Variants in CHPF observed in about 807,000 individuals in gnomAD.
CHPF encodes chondroitin polymerizing factor, non-catalytic subunit.
In CHPF, 34 loss-of-function variants were observed where a neutral mutation model predicts 55.1. The observed-to-expected ratio is 0.62, with a 90% CI of 0.47 to 0.82. The LOEUF is 0.82. CHPF is among the 40% of genes least tolerant of loss of function. The pLI is 0.00. For synonymous variants in CHPF, 489 were observed against 496.6 expected (o/e 0.98, Z 0.20); for missense variants, 961 against 1,106.1 (o/e 0.87, Z 1.86).
chr2:219,542,874 A>C, intron 1 of CHPF: 2 of 1,066,814 alleles, frequency 1.9e-6, no homozygotes, highest in East Asian at 6.3e-5. Flanking sequence ...GGTAAATCCT[A>C]GTTCTCTCCT....
rs1417839276 is a variant in CHPF at position 219,539,022 on chromosome 2, G to A, written c.*361C>T. The A allele has an allele frequency of 2.2e-5, 5 of 226,176 alleles. No homozygotes were observed. Among genetic ancestry groups the A allele is most frequent in the African/African-American group, 9.1e-5 (4 of 44,008 alleles). The allele number at this position is 226,176 out of a possible 1,614,324, so 14.0% of individuals were successfully genotyped here. A position where few individuals can be genotyped will look rare whatever the true frequency, so the allele number is the denominator to read the frequency against. On this transcript the variant is annotated 3_prime_UTR_variant, in exon 4 of 4. Transcript: ENST00000243776. ...GTCCAAAAGGGAGAAGTTGGGAGAT[G>A]CCCCCTCCTCAGCTCCCTCCTTCCC...
rs745792221 is a variant in CHPF, at chr2:219,543,312, G to A, written c.227C>T (p.Ala76Val). ...QPGAEREKPG[A>V]GEGAGENWEP... The stretch of plus-strand genomic sequence containing the variant: ...CCAATTCTCCCCGGCGCCTTCGCCG[G>A]CCCCGGGCTTCTCGCGCTCCGCTCC... The change falls in exon 1 of 4, where the codon GCC (alanine) becomes GTC (valine). Residue 76 changes from alanine (A) to valine (V), a missense_variant. By Grantham distance (64) the Ala-to-Val change is moderately conservative (BLOSUM62 0). Coordinates refer to ENST00000243776, the MANE Select transcript of CHPF (RefSeq NM_024536.6). 1.9e-6 allele frequency: 3 copies of A among 1,572,588 alleles called. No individual in the cohort carries two copies. Among genetic ancestry groups the A allele is most frequent in the Admixed American group, 1.7e-5 (1 of 57,562 alleles).
chr2:219,542,024 T>G lies in CHPF; in HGVS notation c.480A>C (p.Pro160=), dbSNP rs761535669. ...FLTGARGRRA[P]PGMAVVTLGE... ...CTAGCGTCACCACTGCCATGCCAGG[T>G]GGGGCCCGGCGGCCCCGTGCGCCCG... Residue 160 remains proline, a synonymous_variant, in exon 2 of 4, where the codon CCA becomes CCC. Coordinates refer to ENST00000243776, the MANE Select transcript of CHPF (RefSeq NM_024536.6). The G allele has an allele frequency of 8.1e-6, 13 of 1,596,410 alleles. No homozygotes were observed. Among genetic ancestry groups the G allele is most frequent in the South Asian group, 5.6e-5 (5 of 89,384 alleles).
At chr2:219,542,802 TCCTC>T in intron 1 of CHPF, 1 of 532,622 alleles carries the variant, frequency 1.9e-6, no homozygotes, top group Non-Finnish European at 2.4e-6. Context: ...ATAGGTACAT[TCCTC>T]CCTCCCCCAT....
rs764044683 is a variant in CHPF at position 219,541,663 on chromosome 2, G to A, written c.841C>T (p.Arg281Cys). 7 of 1,602,082 alleles carry A rather than the reference G, an allele frequency of 4.4e-6. No individual in the cohort carries two copies. Among genetic ancestry groups the A allele is most frequent in the African/African-American group, 2.7e-5 (2 of 74,724 alleles). The change falls in exon 2 of 4, where the codon CGC (arginine) becomes TGC (cysteine). Residue 281 changes from arginine to cysteine, a missense_variant. By Grantham distance (180) the Arg-to-Cys change is radical (BLOSUM62 -3). Transcript: ENST00000243776. Reference protein sequence around the residue: ...VSARPDEWLGRCILDATGVGC... With the variant: ...VSARPDEWLGCCILDATGVGC... ...ACCCCGGTGGCATCGAGAATGCAGC[G>A]ACCCAGCCACTCGTCAGGGCGCGCA...
chr2:219,540,510 G>A lies in CHPF; in HGVS notation c.1201C>T (p.His401Tyr), dbSNP rs1170524752. The A allele has an allele frequency of 1.6e-5, 26 of 1,613,956 alleles. No individual in the cohort carries two copies. The highest frequency in any genetic ancestry group is 2.1e-5 in the Non-Finnish European group (25 of 1,180,020). ...GAGCCATCGGCGCAGGAGAAAGCGT[G>A]CTGCTCCGTGAAGTAGTCCCAGCGC... Reference protein sequence around the residue: ...VLRWDYFTEQHAFSCADGSPR... With the variant: ...VLRWDYFTEQYAFSCADGSPR... Residue 401 changes from histidine to tyrosine, a missense_variant, in exon 4 of 4, where the codon CAC becomes TAC. Around this residue, in one of 3 missense-constraint regions of CHPF, gnomAD observed 936 missense variants for 1,058.4 expected, o/e 0.88. Transcript: ENST00000243776.
At position 219,539,376 on chromosome 2, in the gene CHPF, G is replaced by T; in HGVS notation, c.*7C>A. 6.3e-7 allele frequency: 1 copy of T among 1,589,782 alleles called. No individual in the cohort carries two copies. Among genetic ancestry groups the T allele is most frequent in the Non-Finnish European group, 8.6e-7 (1 of 1,163,766 alleles). On this transcript the variant is annotated 3_prime_UTR_variant, in exon 4 of 4. Transcript: ENST00000243776. ...GCCATGCCACGGCCCACGGGGACAG[G>T]GTGGGGTCAGGTGCTGTTGCCCTGC... is the stretch of plus-strand genomic sequence containing the variant.
In CHPF at chr2:219,543,341, C is replaced by G. The variant is rs771271034; in HGVS notation, c.198G>C (p.Gln66His). 3.8e-6 allele frequency: 6 copies of G among 1,569,024 alleles called. No individual in the cohort carries two copies. The East Asian group carries it at 7.2e-5, about 19-fold the overall frequency. The change falls in exon 1 of 4, where the codon CAG becomes CAC. Residue 66 changes from glutamine to histidine, a missense_variant. By Grantham distance (24) the Gln-to-His change is conservative. Transcript: ENST00000243776. ...TNAARRPNSV[Q>H]PGAEREKPGA... The stretch of plus-strand genomic sequence containing the variant: ...CGGGCTTCTCGCGCTCCGCTCCGGG[C>G]TGCACCGAGTTGGGCCGGCGCGCCG...
In CHPF at chr2:219,540,120, T is replaced by C. The variant is rs1559122992; in HGVS notation, c.1591A>G (p.Thr531Ala). 2.4e-5 allele frequency: 39 copies of C among 1,602,112 alleles called. No homozygotes were observed. Among genetic ancestry groups the C allele is most frequent in the Non-Finnish European group, 3.1e-5 (37 of 1,174,830 alleles). Residue 531 changes from threonine to alanine, a missense_variant, in exon 4 of 4, where the codon ACT (threonine) becomes GCT (alanine). Physicochemically the swap from Thr to Ala is moderately conservative, Grantham distance 58. Transcript: ENST00000243776. ...LAPGFLEAFA[T>A]AALEPGDAAA... ...GCATCACCAGGCTCCAGTGCTGCAG[T>C]GGCAAAGGCCTCCAAGAAGCCAGGG...
chr2:219,542,964 A>C, intron 1 of CHPF: 2 of 1,281,540 alleles, frequency 1.6e-6, no homozygotes, highest in Non-Finnish European at 9.8e-7. Context: ...GGGAGCTAGT[A>C]GGATCTCTGG....
chr2:219,540,845 T>A lies in CHPF; in HGVS notation c.1068+101A>T. The A allele has an allele frequency of 2.7e-6, 4 of 1,485,536 alleles. No homozygotes were observed. The East Asian group carries it at 9.1e-5, about 34-fold the overall frequency. The allele number at this position is 1,485,536 out of a possible 1,614,324, so 92.0% of individuals were successfully genotyped here. On this transcript the variant is annotated intron_variant, in intron 3 of 3. Coordinates refer to ENST00000243776, the MANE Select transcript of CHPF (RefSeq NM_024536.6). Reference sequence around the variant, plus strand: ...AACAGGCAGGGGCTGGGAAGTAGTTTTGTTCTGTGATTCTAGTGCTAACTT... The same window carrying A: ...AACAGGCAGGGGCTGGGAAGTAGTTATGTTCTGTGATTCTAGTGCTAACTT...
chr2:219,542,974 G>A, intron 1 of CHPF: 2 of 1,286,160 alleles, frequency 1.6e-6, no homozygotes, highest in Non-Finnish European at 2.0e-6. Flanking sequence ...AGGATCTCTG[G>A]GGCGCCATCG....
Position 219,540,645 on chromosome 2 carries a change from G to T in CHPF, c.1069-3C>A. ...TGGCTGGTATTCTGGATCTCCCACT[G>T]GATCAGAGAAACAGGCCATCAGCAA... On this transcript the variant is annotated splice_polypyrimidine_tract_variant and splice_region_variant and intron_variant, in intron 3 of 3. Coordinates refer to ENST00000243776, the MANE Select transcript of CHPF (RefSeq NM_024536.6). 1 of 1,586,760 alleles carries T rather than the reference G, an allele frequency of 6.3e-7. No individual in the cohort carries two copies. The highest frequency in any genetic ancestry group is 1.1e-5 in the South Asian group (1 of 87,356).
At position 219,543,378 on chromosome 2, in the gene CHPF, C is replaced by T. The variant is rs1424352290; in HGVS notation, c.161G>A (p.Gly54Asp). The change falls in exon 1 of 4, where the codon GGC becomes GAC. Residue 54 changes from glycine (G) to aspartate (D), a missense_variant. Transcript: ENST00000243776. ...QPGDSELPPR[G>D]NTNAARRPNS... ...GGGCCGGCGCGCCGCGTTGGTGTTG[C>T]CGCGCGGCGGCAGCTCAGAGTCTCC... is the stretch of plus-strand genomic sequence containing the variant. 1.4e-5 allele frequency: 22 copies of T among 1,560,496 alleles called. No homozygotes were observed. Among genetic ancestry groups the T allele is most frequent in the Non-Finnish European group, 1.9e-5 (22 of 1,163,266 alleles).
rs560923338 is a variant in CHPF at position 219,539,074 on chromosome 2, C to A, written c.*309G>T. ...AACAACTCTTCTACAGCCCAGCCCC[C>A]AGGGCCCAGAGGCAGGGCTGGCGTC... On this transcript the variant is annotated 3_prime_UTR_variant, in exon 4 of 4. Transcript: ENST00000243776. 7.1e-5 allele frequency: 24 copies of A among 339,230 alleles called. No individual in the cohort carries two copies. In the South Asian group the frequency reaches 1.6e-3, roughly 23 times the overall value. The allele number at this position is 339,230 out of a possible 1,614,324, so 21.0% of individuals were successfully genotyped here. A position where few individuals can be genotyped will look rare whatever the true frequency, so the allele number is the denominator to read the frequency against.
At position 219,543,639 on chromosome 2, in the gene CHPF, G is replaced by C. The variant is rs959108597; in HGVS notation, c.-101C>G. 226 of 923,638 alleles carry C rather than the reference G, an allele frequency of 2.4e-4. No individual in the cohort carries two copies. Among genetic ancestry groups the C allele is most frequent in the Non-Finnish European group, 3.1e-4 (214 of 691,160 alleles). 57.2% of individuals were successfully genotyped at this position (923,638 alleles called of 1,614,324 possible). Reference sequence around the variant, plus strand: ...GGGAGGGGGCGGATCCGGAGGGCTCGGGCCCCGCGGGCGGGCCCGCTCCCT... The same window carrying C: ...GGGAGGGGGCGGATCCGGAGGGCTCCGGCCCCGCGGGCGGGCCCGCTCCCT... On this transcript the variant is annotated 5_prime_UTR_variant, in exon 1 of 4. Coordinates refer to ENST00000243776, the MANE Select transcript of CHPF (RefSeq NM_024536.6).
Position 219,539,911 on chromosome 2 carries a change from T to C in CHPF, c.1800A>G (p.Leu600=). The C allele has an allele frequency of 1.2e-6, 2 of 1,613,382 alleles. No individual in the cohort carries two copies. The highest frequency in any genetic ancestry group is 1.7e-6 in the Non-Finnish European group (2 of 1,179,830). ...AAPSPLRLMD[L]LSKKHPLDTL... ...TGTCCAGCGGGTGCTTCTTGGAGAG[T>C]AGATCCATGAGGCGCAGTGGTGAGG... The change falls in exon 4 of 4, where the codon CTA becomes CTG. Residue 600 remains leucine (L), a synonymous_variant. Coordinates refer to ENST00000243776, the MANE Select transcript of CHPF (RefSeq NM_024536.6).
chr2:219,541,189 G>A (rs1695262905), intron 2 of CHPF, 64 bp from the exon 3 acceptor site: 4 of 1,430,746 alleles, frequency 2.8e-6, no homozygotes, highest in Non-Finnish European at 2.8e-6. Flanking sequence ...CTCATAGTAA[G>A]TGTCTCATCT....
At chr2:219,542,553 C>A (rs551145020) in intron 1 of CHPF, among the ~76,000 whole-genome samples, 1 of 152,276 alleles carries the variant, frequency 6.6e-6, no homozygotes, top group East Asian at 1.9e-4. Context: ...GCTGGACACA[C>A]CATGTATCTA....
Sources: allele counts gnomAD v4.1 joint callset (sites outside exome capture counted in the v4.1 genomes callset), GRCh38; gene constraint gnomAD v4.1.1; regional missense constraint gnomAD v4.1.1; transcripts MANE v1.5; gene names NCBI Gene and HGNC (gene_info 2026-07-23, HGNC 2026-07-21).